The following SNTG1 variants were observed in gnomAD, a reference collection of about 807,000 sequenced individuals.
SNTG1 encodes syntrophin gamma 1.
Under a neutral mutation model 74.7 loss-of-function variants are expected in SNTG1, and 39 were observed. That is an observed-to-expected ratio of 0.52 (90% confidence interval 0.40 to 0.68). The LOEUF is 0.68. Among genes scored for constraint, SNTG1 ranks in the 30% least tolerant of loss-of-function variants. The probability of loss-of-function intolerance (pLI) is 0.00; values close to 1 mark genes in which losing one functional copy is unlikely to be tolerated. For missense variants in SNTG1, 685 were observed against 609.5 expected (o/e 1.12, Z -1.30); for synonymous variants, 254 against 217.1 (o/e 1.17, Z -1.49).
intron 13 of SNTG1, among the ~76,000 whole-genome samples, chr8:50,602,795 T>C: frequency 6.6e-6 from 1 of 152,182 alleles, no homozygotes; most frequent in East Asian, 1.9e-4. Flanking sequence ...ATGTAATAGT[T>C]ATTTTCCTTC....
chr8:50,722,997 T>G (rs946742665), intron 17 of SNTG1, among the ~76,000 whole-genome samples: 3 of 152,212 alleles, frequency 2.0e-5, no homozygotes, highest in African/African-American at 7.2e-5. Flanking sequence ...ATTTTATCAC[T>G]TCTCAACTTG....
intron 12 of SNTG1, among the ~76,000 whole-genome samples, chr8:50,581,416 T>A (rs1210304736): frequency 2.0e-5 from 3 of 152,204 alleles, no homozygotes; most frequent in African/African-American, 2.4e-5. Flanking sequence ...TCATCATATT[T>A]ACTCTATATT....
intron 17 of SNTG1, among the ~76,000 whole-genome samples, chr8:50,710,287 GA>G (rs555940268): frequency 7.9e-4 from 121 of 152,230 alleles, no homozygotes; most frequent in Admixed American, 2.2e-3. Flanking sequence ...AATGACTCTT[GA>G]AAACTTTCAA....
intron 2 of SNTG1, among the ~76,000 whole-genome samples, chr8:50,199,906 C>T (rs941824254): frequency 6.6e-6 from 1 of 152,076 alleles, no homozygotes; most frequent in Non-Finnish European, 1.5e-5. Flanking sequence ...AATTAGGGAA[C>T]CTGTATTGTG....
intron 13 of SNTG1, among the ~76,000 whole-genome samples, chr8:50,618,659 G>T (rs1199666582): frequency 6.6e-6 from 1 of 152,192 alleles, no homozygotes; most frequent in Admixed American, 6.5e-5. Flanking sequence ...GGAAGAATTT[G>T]CATCCTTGCC....
intron 12 of SNTG1, among the ~76,000 whole-genome samples, chr8:50,583,846 A>G (rs1417164969): frequency 6.6e-6 from 1 of 151,410 alleles, no homozygotes; most frequent in Non-Finnish European, 1.5e-5. Context: ...ATATGTATAC[A>G]TGGGCCATGT....
intron 2 of SNTG1, among the ~76,000 whole-genome samples, chr8:50,260,394 A>T (rs903675572): frequency 6.6e-6 from 1 of 152,094 alleles, no homozygotes; most frequent in African/African-American, 2.4e-5. Context: ...AAGCTCACTA[A>T]AAAACAGAAC....
chr8:50,762,848 G>T, intron 18 of SNTG1: 1 of 376,970 alleles, frequency 2.7e-6, no homozygotes, highest in Admixed American at 2.8e-5. Context: ...CTGCTCCGAA[G>T]CCAGACGTCA....
At chr8:50,469,339 C>T (rs1351812065) in intron 8 of SNTG1, among the ~76,000 whole-genome samples, 1 of 151,936 alleles carries the variant, frequency 6.6e-6, no homozygotes. Flanking sequence ...CTAAGGAGAC[C>T]CAGTAGTCTC....
At chr8:50,646,092 G>A (rs1250608919) in intron 13 of SNTG1, among the ~76,000 whole-genome samples, 2 of 151,974 alleles carry the variant, frequency 1.3e-5, no homozygotes, top group Admixed American at 6.6e-5. Context: ...CCAATATGTC[G>A]TATTTGGAAA....
intron 17 of SNTG1, among the ~76,000 whole-genome samples, chr8:50,747,227 C>G (rs902899078): frequency 3.3e-5 from 5 of 151,820 alleles, no homozygotes; most frequent in African/African-American, 1.2e-4. Flanking sequence ...AAATTGTCTC[C>G]TGAAAGGGGG....
intron 4 of SNTG1, among the ~76,000 whole-genome samples, chr8:50,407,058 T>C (rs2092885835): frequency 6.6e-6 from 1 of 152,186 alleles, no homozygotes; most frequent in South Asian, 2.1e-4. Context: ...AGATACCCTC[T>C]TTAAACTTGA....
intron 1 of SNTG1, among the ~76,000 whole-genome samples, chr8:49,967,676 C>G (rs1332587819): frequency 6.6e-6 from 1 of 152,154 alleles, no homozygotes. Context: ...TGAGTTCAAC[C>G]CTTTCTCTGA....
chr8:50,254,853 G>A (rs796466074), intron 2 of SNTG1, among the ~76,000 whole-genome samples: 36 of 142,566 alleles, frequency 2.5e-4, no homozygotes, highest in East Asian at 4.1e-4. Flanking sequence ...ACTCCTCAAA[G>A]AAAAAAAAAA....
chr8:50,684,754 T>C (rs2095345251), intron 15 of SNTG1, among the ~76,000 whole-genome samples: 1 of 149,624 alleles, frequency 6.7e-6, no homozygotes, highest in Non-Finnish European at 1.5e-5. Context: ...TTTTTTATTA[T>C]ACTTTATCTT....
chr8:50,484,251 T>G (rs557698447), intron 8 of SNTG1, among the ~76,000 whole-genome samples: 1 of 149,682 alleles, frequency 6.7e-6, no homozygotes, highest in African/African-American at 2.5e-5. Flanking sequence ...TTTCCACTCT[T>G]GTTGCCCAGG....
At chr8:50,112,452 A>G (rs1324748308) in intron 1 of SNTG1, among the ~76,000 whole-genome samples, 1 of 151,382 alleles carries the variant, frequency 6.6e-6, no homozygotes. Flanking sequence ...TTAAAAAACT[A>G]GTTAATAAAA....
chr8:50,595,220 T>A (rs2094719259), intron 13 of SNTG1, among the ~76,000 whole-genome samples: 1 of 152,082 alleles, frequency 6.6e-6, no homozygotes, highest in Non-Finnish European at 1.5e-5. Flanking sequence ...AATCTGAAGA[T>A]AATGAGCCTG....
chr8:50,572,975 A>G (rs1403883435), intron 12 of SNTG1, among the ~76,000 whole-genome samples: 5 of 152,126 alleles, frequency 3.3e-5, no homozygotes, highest in African/African-American at 1.2e-4. Flanking sequence ...AGCATCCTGC[A>G]TTGTCCATCT....
Sources: allele counts gnomAD v4.1 joint callset (sites outside exome capture counted in the v4.1 genomes callset), GRCh38; gene constraint gnomAD v4.1.1; transcripts MANE v1.5; gene names NCBI Gene and HGNC (gene_info 2026-07-23, HGNC 2026-07-21).